LRBA: variants seen among roughly 807,000 people sequenced by gnomAD.
LRBA encodes the protein lipopolysaccharide-responsive and beige-like anchor protein.
Under a neutral mutation model 330.0 loss-of-function variants are expected in LRBA, and 176 were observed. That is an observed-to-expected ratio of 0.53 (90% CI 0.47 to 0.60). The LOEUF (loss-of-function observed/expected upper bound fraction) is 0.60, where lower values mean the gene tolerates loss of function less well. Ranked by LOEUF, LRBA falls within the 20% of genes least tolerant of loss-of-function variation. LRBA has a pLI of 0.00. For synonymous variants in LRBA, 1,230 were observed against 1,193.0 expected (o/e 1.03, Z -0.64); for missense variants, 3,259 against 3,444.8 (o/e 0.95, Z 1.35).
chr4:150,907,289 G>GGGAGGAGAGAAGT (rs1731447259), intron 11 of LRBA, among the ~76,000 whole-genome samples: 1 of 74,366 alleles, frequency 1.3e-5, no homozygotes, highest in Non-Finnish European at 2.7e-5. Context: ...AGGGGAGGGA[G>GGGAGGAGAGAAGT]GGAGGAGAGA....
At chr4:150,689,008 A>G (rs1016440906) in intron 36 of LRBA, among the ~76,000 whole-genome samples, 2 of 152,224 alleles carry the variant, frequency 1.3e-5, no homozygotes, top group African/African-American at 4.8e-5. Context: ...ACACATACAC[A>G]GGTATGTTTA....
chr4:150,334,914 C>T (rs1421913811), intron 48 of LRBA, among the ~76,000 whole-genome samples: 1 of 150,000 alleles, frequency 6.7e-6, no homozygotes, highest in African/African-American at 2.5e-5. Context: ...ACTGCAACCT[C>T]CGTCTCCGAG....
chr4:150,752,247 C>T lies in LRBA; in HGVS notation c.5645+9536G>A, dbSNP rs76829255. ...CTTATAGTGAAGAATTATTGCCTAACTCTCCATGTATCTGCCTCCTTGCAA... is the reference window on the plus strand; with the variant it reads ...CTTATAGTGAAGAATTATTGCCTAATTCTCCATGTATCTGCCTCCTTGCAA... On this transcript the variant is annotated intron_variant, in intron 35 of 56. Transcript: ENST00000651943. Among the ~76,000 whole-genome samples, 691 of 152,164 alleles carry T rather than the reference C, an allele frequency of 4.5e-3. 6 individuals carry two copies. The highest frequency in any genetic ancestry group is 0.016 in the African/African-American group (661 of 41,546).
intron 47 of LRBA, among the ~76,000 whole-genome samples, chr4:150,356,733 A>C (rs1737896131): frequency 6.6e-6 from 1 of 152,004 alleles, no homozygotes; most frequent in Admixed American, 6.6e-5. Context: ...GTAAAACACA[A>C]TGGAAATATT....
intron 34 of LRBA, 72 bp from the exon 35 acceptor site, chr4:150,761,919 T>C (rs1006782121): frequency 1.3e-6 from 1 of 784,426 alleles, no homozygotes; most frequent in African/African-American, 1.8e-5. Context: ...ACAATAATAA[T>C]GAAAAATATC....
At chr4:150,506,422 C>T (rs1283714082) in intron 40 of LRBA, among the ~76,000 whole-genome samples, 2 of 152,188 alleles carry the variant, frequency 1.3e-5, no homozygotes, top group African/African-American at 4.8e-5. Context: ...GCTGGTTCAA[C>T]ATATGCAAAT....
At chr4:150,938,644 C>T (rs752794556) in intron 2 of LRBA, among the ~76,000 whole-genome samples, 8 of 152,104 alleles carry the variant, frequency 5.3e-5, no homozygotes, top group Admixed American at 6.5e-5. Context: ...TTTCCAGCTA[C>T]GCTCCTTCCT....
chr4:150,997,454 T>C (rs1222765553), intron 2 of LRBA, among the ~76,000 whole-genome samples: 1 of 152,176 alleles, frequency 6.6e-6, no homozygotes, highest in African/African-American at 2.4e-5. Context: ...GATAGTATAA[T>C]TCACTAAAAA....
At chr4:150,994,660 GTTCTCT>G (rs1290784769) in intron 2 of LRBA, among the ~76,000 whole-genome samples, 3 of 152,138 alleles carry the variant, frequency 2.0e-5, no homozygotes, top group African/African-American at 7.2e-5. Flanking sequence ...GTGGGGAAAG[GTTCTCT>G]AATAAGGCCA....
At chr4:150,659,987 T>C (rs866366634) in intron 37 of LRBA, among the ~76,000 whole-genome samples, 1,647 of 1,658 alleles carry the variant, frequency 0.99, 822 homozygotes, top group Middle Eastern at 1. Context: ...GCCGCCCCGT[T>C]TGGGAGGTGA....
chr4:150,421,408 C>T (rs1051877991), intron 46 of LRBA, among the ~76,000 whole-genome samples: 5 of 149,222 alleles, frequency 3.4e-5, no homozygotes, highest in Non-Finnish European at 7.4e-5. Context: ...GACAGAAATA[C>T]AAATAGAATG....
chr4:150,449,750 T>C (rs1753118869), intron 44 of LRBA, among the ~76,000 whole-genome samples: 3 of 152,224 alleles, frequency 2.0e-5, no homozygotes, highest in Non-Finnish European at 2.9e-5. Flanking sequence ...CCACACTAAC[T>C]ACCTGACATA....
intron 47 of LRBA, among the ~76,000 whole-genome samples, chr4:150,378,055 G>C (rs982673256): frequency 2.6e-5 from 4 of 151,790 alleles, no homozygotes; most frequent in African/African-American, 4.8e-5. Context: ...ATAATCACCT[G>C]ACTTTGCATG....
chr4:150,774,745 T>C (rs1737039248), intron 34 of LRBA, among the ~76,000 whole-genome samples: 2 of 152,172 alleles, frequency 1.3e-5, no homozygotes, highest in South Asian at 4.1e-4. Flanking sequence ...AAATGAGTCC[T>C]TCCTCAAGGG....
At chr4:150,916,818 C>T (rs1286294651) in intron 5 of LRBA, 80 bp from the exon 6 acceptor site, 1 of 1,120,540 alleles carries the variant, frequency 8.9e-7, no homozygotes, top group Non-Finnish European at 1.3e-6. Context: ...CTTTGCAATG[C>T]TACATATATT....
chr4:150,284,006 G>C (rs1432439995), intron 54 of LRBA, among the ~76,000 whole-genome samples: 5 of 152,104 alleles, frequency 3.3e-5, no homozygotes, highest in Admixed American at 3.3e-4. Flanking sequence ...AAGGGGTATT[G>C]GCCAACAAAG....
At chr4:150,913,019 T>C (rs1732183815) in intron 9 of LRBA, among the ~76,000 whole-genome samples, 1 of 152,348 alleles carries the variant, frequency 6.6e-6, no homozygotes, top group Non-Finnish European at 1.5e-5. Context: ...CATTAAAAAC[T>C]TGGTGGACTT....
At chr4:150,285,414 G>A (rs995328023) in intron 54 of LRBA, among the ~76,000 whole-genome samples, 1 of 152,132 alleles carries the variant, frequency 6.6e-6, no homozygotes, top group Non-Finnish European at 1.5e-5. Context: ...AAACCTCCAG[G>A]CAAACCAGCT....
chr4:150,289,609 T>C (rs7657457), intron 53 of LRBA, among the ~76,000 whole-genome samples: 39,641 of 152,122 alleles, frequency 0.26, 5,376 homozygotes, highest in Non-Finnish European at 0.3. Context: ...CTGGCCTCTA[T>C]AAACCCACAT....
Sources: gnomAD v4.1 joint callset for allele counts (sites outside exome capture counted in the v4.1 genomes callset) on GRCh38, gnomAD v4.1.1 for gene constraint, MANE v1.5 for transcripts, NCBI Gene and HGNC (gene_info 2026-07-23, HGNC 2026-07-21) for gene names.